OR2L13: variants seen among roughly 807,000 people sequenced by gnomAD.
OR2L13 encodes olfactory receptor 2L13.
In OR2L13, 14 loss-of-function variants were observed where a neutral mutation model predicts 15.3. That is an observed-to-expected ratio of 0.91 (90% CI 0.60 to 1.43). OR2L13 has a LOEUF of 1.43. OR2L13 is among the 40% of genes most tolerant of loss of function. The pLI, the probability that OR2L13 is intolerant of heterozygous loss-of-function variation, is 0.00. For synonymous variants in OR2L13, 152 were observed against 142.9 expected, an observed-to-expected ratio of 1.06 and a Z score of -0.45; for missense variants, 367 against 387.9, an observed-to-expected ratio of 0.95 and a Z score of 0.45.
the OR2L13 span, among the ~76,000 whole-genome samples, chr1:247,938,266 A>T: frequency 2.0e-5 from 3 of 152,188 alleles, no homozygotes; most frequent in Non-Finnish European, 1.5e-5. Context: ...ATATATAAAA[A>T]TGTATTGCTA....
chr1:248,006,946 T>C, the OR2L13 span, among the ~76,000 whole-genome samples: 1 of 152,222 alleles, frequency 6.6e-6, no homozygotes, highest in Non-Finnish European at 1.5e-5. Flanking sequence ...CCATTTAAGA[T>C]ACATTTGTCA....
the OR2L13 span, among the ~76,000 whole-genome samples, chr1:248,086,273 G>C: frequency 6.6e-6 from 1 of 151,954 alleles, no homozygotes; most frequent in Non-Finnish European, 1.5e-5. Flanking sequence ...CTTTCTAAAT[G>C]GTTATACTTT....
chr1:248,006,591 C>T, the OR2L13 span, among the ~76,000 whole-genome samples: 5,647 of 151,982 alleles, frequency 0.037, 314 homozygotes, highest in African/African-American at 0.13. Context: ...GGTGGGAATG[C>T]GTGATGGTCT....
chr1:248,076,480 A>G, the OR2L13 span, among the ~76,000 whole-genome samples: 9 of 152,328 alleles, frequency 5.9e-5, no homozygotes, highest in Non-Finnish European at 1.3e-4. Flanking sequence ...ATCCATGAGC[A>G]TGGAATATTC....
At chr1:248,044,243 TTC>T in the OR2L13 span, among the ~76,000 whole-genome samples, 2 of 152,166 alleles carry the variant, frequency 1.3e-5, no homozygotes, top group African/African-American at 4.8e-5. Flanking sequence ...AAATCTCAGT[TTC>T]TCTTTTTTCT....
chr1:248,078,914 T>G, the OR2L13 span, among the ~76,000 whole-genome samples: 1 of 152,204 alleles, frequency 6.6e-6, no homozygotes, highest in East Asian at 1.9e-4. Context: ...TATATCTGTA[T>G]CTATGCGATG....
At chr1:248,003,464 C>T in the OR2L13 span, 87 of 1,609,042 alleles carry the variant, frequency 5.4e-5, no homozygotes, top group Non-Finnish European at 7.4e-5. Context: ...TGTAGAAGCG[C>T]TACTCCTGAT....
chr1:248,008,551 C>T, the OR2L13 span, among the ~76,000 whole-genome samples: 2 of 152,068 alleles, frequency 1.3e-5, no homozygotes, highest in African/African-American at 4.8e-5. Flanking sequence ...TCCTTTTGTA[C>T]TTACAAAGAG....
the OR2L13 span, among the ~76,000 whole-genome samples, chr1:248,013,904 A>G: frequency 6.6e-6 from 1 of 152,196 alleles, no homozygotes; most frequent in Non-Finnish European, 1.5e-5. Flanking sequence ...TATAGAATAC[A>G]GACAACCAAA....
At chr1:247,979,530 A>T in the OR2L13 span, among the ~76,000 whole-genome samples, 1 of 141,788 alleles carries the variant, frequency 7.1e-6, no homozygotes, top group Non-Finnish European at 1.5e-5. Flanking sequence ...CATGGTGTAT[A>T]TGTGCCACAT....
intron 2 of OR2L13, 82 bp from the exon 3 acceptor site, chr1:248,099,276 A>G (rs1664795798): frequency 1.2e-6 from 1 of 802,588 alleles, no homozygotes. Flanking sequence ...AAACATTGAT[A>G]AAGTCAGTTC....
the OR2L13 span, among the ~76,000 whole-genome samples, chr1:248,048,371 C>G: frequency 6.6e-6 from 1 of 152,136 alleles, no homozygotes; most frequent in Non-Finnish European, 1.5e-5. Flanking sequence ...CTAAGTCAGT[C>G]AAATACAACA....
chr1:248,050,537 A>C, the OR2L13 span, among the ~76,000 whole-genome samples: 1 of 152,238 alleles, frequency 6.6e-6, no homozygotes, highest in South Asian at 2.1e-4. Context: ...TAATAAAAAG[A>C]TGATACATTG....
the OR2L13 span, among the ~76,000 whole-genome samples, chr1:247,955,341 T>C: frequency 2.6e-5 from 4 of 151,856 alleles, no homozygotes; most frequent in East Asian, 5.8e-4. Context: ...CTTAATCCAG[T>C]CTATCATTGT....
chr1:247,979,133 A>C, the OR2L13 span, among the ~76,000 whole-genome samples: 1 of 152,052 alleles, frequency 6.6e-6, no homozygotes, highest in African/African-American at 2.4e-5. Flanking sequence ...AGATATAAAA[A>C]CAGTGTACAA....
chr1:248,100,540 A>G (rs1160389573), exon 3 of OR2L13: 2 of 241,440 alleles, frequency 8.3e-6, no homozygotes, highest in African/African-American at 4.6e-5. Flanking sequence ...TCAATAAATT[A>G]TATGCAATAT....
the OR2L13 span, among the ~76,000 whole-genome samples, chr1:248,081,276 C>A: frequency 4.6e-5 from 7 of 152,112 alleles, no homozygotes; most frequent in Middle Eastern, 0.01. Flanking sequence ...TCATTGTGGT[C>A]AGATAACAAG....
the OR2L13 span, among the ~76,000 whole-genome samples, chr1:247,946,857 CA>C: frequency 1.5e-4 from 23 of 150,698 alleles, 1 homozygote; most frequent in East Asian, 3.9e-4. Context: ...TGCTGCAATA[CA>C]AAAAAAAACT....
the OR2L13 span, among the ~76,000 whole-genome samples, chr1:248,011,749 G>A: frequency 6.6e-6 from 1 of 152,030 alleles, no homozygotes; most frequent in African/African-American, 2.4e-5. Context: ...TTTCTCTGCT[G>A]CAATTTCTGC....
Sources: allele counts gnomAD v4.1 joint callset (sites outside exome capture counted in the v4.1 genomes callset), GRCh38; gene constraint gnomAD v4.1.1; transcripts MANE v1.5; gene names NCBI Gene and HGNC (gene_info 2026-07-23, HGNC 2026-07-21).